The following MCMBP variants were observed in gnomAD, a reference collection of about 807,000 sequenced individuals.
MCMBP encodes the protein minichromosome maintenance complex binding protein, also known as mini-chromosome maintenance complex-binding protein.
Under a neutral mutation model 81.3 loss-of-function variants are expected in MCMBP, and 31 were observed. The ratio of observed to expected loss-of-function variants is 0.38; its 90% CI spans 0.29 to 0.51. The LOEUF (loss-of-function observed/expected upper bound fraction) is 0.51. Ranked by LOEUF, MCMBP falls within the 20% of genes least tolerant of loss-of-function variation. The pLI is 0.87. For missense variants in MCMBP, 645 were observed against 772.1 expected (o/e 0.84, Z 1.95); for synonymous variants, 267 against 275.9 (o/e 0.97, Z 0.32).
chr10:119,831,726 T>C, intron 15 of MCMBP, 126 bp from the exon 16 acceptor site: 2 of 1,118,422 alleles, frequency 1.8e-6, no homozygotes, highest in Non-Finnish European at 2.5e-6. Flanking sequence ...GTATGGTAGT[T>C]ACACACAAGT....
chr10:119,848,542 G>A (rs1239745768), intron 7 of MCMBP, among the ~76,000 whole-genome samples: 1 of 152,146 alleles, frequency 6.6e-6, no homozygotes, highest in African/African-American at 2.4e-5. Flanking sequence ...GAACCCAGGA[G>A]GTAGAAGTTG....
chr10:119,852,163 A>C (rs974730479), intron 6 of MCMBP, among the ~76,000 whole-genome samples: 4 of 144,834 alleles, frequency 2.8e-5, no homozygotes, highest in African/African-American at 9.9e-5. Context: ...AAAAAAAAAA[A>C]AAAAAAAAAA....
At chr10:119,850,629 G>A (rs532053628) in intron 6 of MCMBP, among the ~76,000 whole-genome samples, 2 of 151,036 alleles carry the variant, frequency 1.3e-5, no homozygotes, top group Admixed American at 1.3e-4. Context: ...GGGGCCTGTA[G>A]TCCCAGCTAC....
chr10:119,842,882 T>C (rs1300994536), intron 9 of MCMBP: 5 of 374,296 alleles, frequency 1.3e-5, no homozygotes, highest in Non-Finnish European at 2.0e-5. Context: ...GCCTCCCGAG[T>C]AGCTGGGATT....
chr10:119,832,820 C>T (rs1051513748), intron 14 of MCMBP, among the ~76,000 whole-genome samples: 1 of 152,192 alleles, frequency 6.6e-6, no homozygotes, highest in Non-Finnish European at 1.5e-5. Context: ...ACCTTAGCTA[C>T]CTGAGACACT....
At position 119,831,437 on chromosome 10, in the gene MCMBP, T is replaced by C. The variant is rs745839615; in HGVS notation, c.*37A>G. ...TATCTGAATTTTACAATTATGTGGC[T>C]ACAGTTTGCCCATTACTCTTCATAG... On this transcript the variant is annotated 3_prime_UTR_variant, in exon 16 of 16. Transcript: ENST00000369077. 6.8e-6 allele frequency: 11 copies of C among 1,609,574 alleles called. 2 individuals are homozygous for C. Among genetic ancestry groups the C allele is most frequent in the Middle Eastern group, 3.3e-4 (2 of 6,014 alleles).
At chr10:119,832,131 G>A in intron 14 of MCMBP, 31 bp from the exon 15 acceptor site, 2 of 1,582,718 alleles carry the variant, frequency 1.3e-6, no homozygotes, top group Non-Finnish European at 1.7e-6. Context: ...TAAATGATGT[G>A]CATTTTTGTA....
rs1359082810 is a variant in MCMBP, at chr10:119,842,586, C to G, written c.1010G>C (p.Ser337Thr). 2 of 1,612,856 alleles carry G rather than the reference C, an allele frequency of 1.2e-6. No individual in the cohort carries two copies. Among genetic ancestry groups the G allele is most frequent in the Non-Finnish European group, 1.7e-6 (2 of 1,179,478 alleles). The change falls in exon 10 of 16, where the codon AGT (serine) becomes ACT (threonine). Residue 337 changes from serine to threonine, a missense_variant. By Grantham distance (58) the Ser-to-Thr change is moderately conservative. Transcript: ENST00000369077. ...NKEESKTFVS[S>T]FMSELSPVRA... is the part of the protein sequence containing the mutation. ...GACTGGAGACAATTCGGACATGAAACTTGAAACAACTGAAGGAGAAAGGAA... is the reference window on the plus strand; with the variant it reads ...GACTGGAGACAATTCGGACATGAAAGTTGAAACAACTGAAGGAGAAAGGAA...
At chr10:119,848,812 T>C (rs758829635) in intron 7 of MCMBP, among the ~76,000 whole-genome samples, 2 of 152,048 alleles carry the variant, frequency 1.3e-5, no homozygotes, top group Non-Finnish European at 2.9e-5. Context: ...AAGTGAAAAA[T>C]AGGTTTTGCT....
In MCMBP at chr10:119,858,440, G is replaced by C. The variant is rs1469661446; in HGVS notation, c.327+444C>G. Among the ~76,000 whole-genome samples the C allele has an allele frequency of 3.9e-5, 6 of 152,162 alleles. No individual in the cohort carries two copies. In the South Asian group the frequency reaches 1.0e-3, roughly 26 times the overall value. Reference sequence around the variant, plus strand: ...TCTAAGTATATCTGAAAGAGAACATGCCTTTCCTAGGGAATAATATATGAC... The same window carrying C: ...TCTAAGTATATCTGAAAGAGAACATCCCTTTCCTAGGGAATAATATATGAC... On this transcript the variant is annotated intron_variant, in intron 4 of 15. Coordinates refer to ENST00000369077, the MANE Select transcript of MCMBP (RefSeq NM_001256378.2).
Position 119,845,672 on chromosome 10 carries a change from T to C in MCMBP, c.827+1941A>G, listed in dbSNP as rs576415054. 1.4e-4 allele frequency among the ~76,000 whole-genome samples: 22 copies of C among 152,260 alleles called. 1 individual carries two copies. In the East Asian group the frequency reaches 4.2e-3, roughly 29 times the overall value. ...ACACTGAAGGGGAAGAAAAGTTACC[T>C]GAGTAAGTGGAACATAGCTCTGACT... On this transcript the variant is annotated intron_variant, in intron 8 of 15. Coordinates refer to ENST00000369077, the MANE Select transcript of MCMBP (RefSeq NM_001256378.2).
In MCMBP at chr10:119,838,490, G is replaced by A. The variant is rs182218801; in HGVS notation, c.1408+45C>T. 7 of 1,574,470 alleles carry A rather than the reference G, an allele frequency of 4.4e-6. No individual in the cohort carries two copies. In the African/African-American group the frequency reaches 8.1e-5, roughly 18 times the overall value. On this transcript the variant is annotated intron_variant, in intron 12 of 15. Coordinates refer to ENST00000369077, the MANE Select transcript of MCMBP (RefSeq NM_001256378.2). Reference sequence around the variant, plus strand: ...AAAGTTATTCCTAGATCTGGCTTTAGTGCGAAGGAAGTCAGAAATGGAAGA... The same window carrying A: ...AAAGTTATTCCTAGATCTGGCTTTAATGCGAAGGAAGTCAGAAATGGAAGA...
rs34142128 is a variant in MCMBP at position 119,852,152 on chromosome 10, C to CAAA, written c.574+895_574+897dup. Among the ~76,000 whole-genome samples the CAAA allele has an allele frequency of 4.9e-4, 26 of 53,092 alleles. 1 individual carries two copies. Among genetic ancestry groups the CAAA allele is most frequent in the African/African-American group, 1.8e-3 (20 of 11,128 alleles). The allele number at this position is 53,092 out of a possible 152,430, so 34.8% of individuals were successfully genotyped here. A position where few individuals can be genotyped will look rare whatever the true frequency, so the allele number is the denominator to read the frequency against. ...CTGCAACAAGAGCGAAACTCTGTCTCAAAAAAAAAAAAAAAAAAAAAAAAA... is the reference window on the plus strand; with the variant it reads ...CTGCAACAAGAGCGAAACTCTGTCTCAAAAAAAAAAAAAAAAAAAAAAAAAAAA... On this transcript the variant is annotated intron_variant, in intron 6 of 15. Transcript: ENST00000369077.
chr10:119,849,360 A>C, intron 7 of MCMBP, 65 bp downstream of exon 7: 1 of 1,520,018 alleles, frequency 6.6e-7, no homozygotes, highest in East Asian at 2.4e-5. Flanking sequence ...GCAAATGCTC[A>C]GACACTAAGC....
At position 119,872,342 on chromosome 10, in the gene MCMBP, G is replaced by A. The variant is rs577079804; in HGVS notation, c.58+185C>T. ...GGGAGGTACCTGCGGCCCGGCTCCT[G>A]CCCCTGCCTGCTGCGACCGGGGGAG... On this transcript the variant is annotated intron_variant, in intron 1 of 15. Transcript: ENST00000369077. Among the ~76,000 whole-genome samples, 134 of 152,114 alleles carry A rather than the reference G, an allele frequency of 8.8e-4. 1 individual carries two copies. The highest frequency in any genetic ancestry group is 3.0e-3 in the African/African-American group (126 of 41,548).
chr10:119,832,079 CCA>C lies in MCMBP; in HGVS notation c.1727_1728del (p.Val576GlyfsTer13). The C allele has an allele frequency of 1.2e-6, 2 of 1,612,830 alleles. No homozygotes were observed. The highest frequency in any genetic ancestry group is 1.7e-6 in the Non-Finnish European group (2 of 1,179,702). ...CTCTGAGGGTCGTTCTTCCGCATTT[CCA>C]CAAAGTCATCTTCAACTGCCTTTAT... is the stretch of plus-strand genomic sequence containing the variant. ...EITKAVEDDFVEMRKNDPQSI... is the reference protein window; with the variant it reads ...EITKAVEDDFXEMRKNDPQSI... On this transcript the variant is annotated frameshift_variant, in exon 15 of 16. Transcript: ENST00000369077. LOFTEE classifies it high-confidence loss of function.
intron 12 of MCMBP, among the ~76,000 whole-genome samples, chr10:119,838,024 T>C (rs544083240): frequency 3.6e-4 from 54 of 151,682 alleles, no homozygotes; most frequent in African/African-American, 1.1e-3. Context: ...TTACACTCAC[T>C]GAAAAAAAAA....
rs569310472 is a variant in MCMBP at position 119,830,362 on chromosome 10, A to G, written c.*1112T>C. 1 of 152,362 alleles carries G rather than the reference A, an allele frequency of 6.6e-6. No individual in the cohort carries two copies. The highest frequency in any genetic ancestry group is 2.1e-4 in the South Asian group (1 of 4,826). The allele number at this position is 152,362 out of a possible 1,614,324, so 9.4% of individuals were successfully genotyped here. A position where few individuals can be genotyped will look rare whatever the true frequency, so the allele number is the denominator to read the frequency against. On this transcript the variant is annotated 3_prime_UTR_variant, in exon 16 of 16. Coordinates refer to ENST00000369077, the MANE Select transcript of MCMBP (RefSeq NM_001256378.2). ...CAGTCTGTTGTTAGTTTGCTCTATT[A>G]AAACTAATTGGTCTGGAGAAAACCT...
chr10:119,854,568 T>G (rs965963831), intron 5 of MCMBP, among the ~76,000 whole-genome samples: 1 of 143,480 alleles, frequency 7.0e-6, no homozygotes, highest in African/African-American at 2.5e-5. Flanking sequence ...AATAAATAAA[T>G]AAATAAATAA....
Sources: allele counts gnomAD v4.1 joint callset (sites outside exome capture counted in the v4.1 genomes callset), GRCh38; gene constraint gnomAD v4.1.1; transcripts MANE v1.5; gene names NCBI Gene and HGNC (gene_info 2026-07-23, HGNC 2026-07-21).